Variants in ACVR1B observed in about 807,000 individuals in gnomAD.
ACVR1B encodes the protein activin A receptor type 1B.
Under a neutral mutation model 55.6 loss-of-function variants are expected in ACVR1B, and 15 were observed. That is an observed-to-expected ratio of 0.27 (90% CI 0.18 to 0.42). The LOEUF (loss-of-function observed/expected upper bound fraction) is 0.42. Ranked by LOEUF, ACVR1B falls within the 10% of genes least tolerant of loss-of-function variation. The pLI is 1.00. For synonymous variants in ACVR1B, 247 were observed against 254.6 expected (o/e 0.97, Z 0.28); for missense variants, 359 against 670.1 (o/e 0.54, Z 5.13).
At chr12:51,966,640 G>A (rs1440252408) in intron 1 of ACVR1B, among the ~76,000 whole-genome samples, 1 of 152,046 alleles carries the variant, frequency 6.6e-6, no homozygotes, top group Admixed American at 6.6e-5. Flanking sequence ...GTAGAGACAG[G>A]GTCTCACTGT....
At chr12:51,987,446 G>T (rs2252526) in intron 7 of ACVR1B, 104,772 of 354,444 alleles carry the variant, frequency 0.3, 16,940 homozygotes, top group Admixed American at 0.52. Flanking sequence ...ATTTGCAGCT[G>T]CTTATTCATG....
rs771945627 is a variant in ACVR1B, at chr12:51,976,480, T to G, written c.485T>G (p.Leu162Arg). 6.2e-7 allele frequency: 1 copy of G among 1,614,162 alleles called. No homozygotes were observed. The highest frequency in any genetic ancestry group is 8.5e-7 in the Non-Finnish European group (1 of 1,180,024). Residue 162 changes from leucine (L) to arginine (R), a missense_variant, in exon 3 of 9, where the codon CTG becomes CGG. By Grantham distance (102) the Leu-to-Arg change is moderately radical (BLOSUM62 -2). Transcript: ENST00000257963. ...HQRVYHNRQR[L>R]DMEDPSCEMC... ...CGTGTCTATCACAACCGCCAGAGACTGGACATGGAAGATCCCTCATGTGAG... is the reference window on the plus strand; with the variant it reads ...CGTGTCTATCACAACCGCCAGAGACGGGACATGGAAGATCCCTCATGTGAG...
chr12:51,967,108 C>T (rs1435360399), intron 1 of ACVR1B, among the ~76,000 whole-genome samples: 2 of 151,590 alleles, frequency 1.3e-5, no homozygotes, highest in African/African-American at 4.9e-5. Flanking sequence ...GACGTGGTGG[C>T]AGGCGCCTGT....
At chr12:51,952,273 G>T (rs1347579746) in intron 1 of ACVR1B, among the ~76,000 whole-genome samples, 4 of 152,126 alleles carry the variant, frequency 2.6e-5, no homozygotes, top group African/African-American at 9.7e-5. Context: ...GGGTTCGGGC[G>T]GTGGGGTCTT....
At chr12:51,975,526 G>T in intron 2 of ACVR1B, 22 bp downstream of exon 2, 3 of 1,598,276 alleles carry the variant, frequency 1.9e-6, no homozygotes, top group Non-Finnish European at 2.6e-6. Context: ...CCCTTGTTGG[G>T]CTAGTGGCTC....
rs969613981 is a variant in ACVR1B at position 51,961,726 on chromosome 12, C to T, written c.91+9892C>T. On this transcript the variant is annotated intron_variant, in intron 1 of 8. Transcript: ENST00000257963. ...AAATACCAGGGATAAATATCCTTCC[C>T]TGCTCTATTGAGCCAGAAGTATGTT... 2.0e-5 allele frequency among the ~76,000 whole-genome samples: 3 copies of T among 152,356 alleles called. No individual in the cohort carries two copies. The East Asian group carries it at 5.8e-4, about 29-fold the overall frequency.
chr12:51,958,679 C>T (rs553875092), intron 1 of ACVR1B, among the ~76,000 whole-genome samples: 2 of 152,078 alleles, frequency 1.3e-5, no homozygotes, highest in South Asian at 4.2e-4. Flanking sequence ...GATCATCAGG[C>T]ACATCAAGCA....
chr12:51,977,890 A>G (rs1257919177), intron 3 of ACVR1B, among the ~76,000 whole-genome samples: 1 of 151,504 alleles, frequency 6.6e-6, no homozygotes, highest in Non-Finnish European at 1.5e-5. Context: ...AAACATCCAC[A>G]AAGATCACTG....
At chr12:51,984,288 T>C in intron 5 of ACVR1B, 122 bp downstream of exon 5, 1 of 1,194,694 alleles carries the variant, frequency 8.4e-7, no homozygotes, top group Non-Finnish European at 1.2e-6. Context: ...GGAACTCTAG[T>C]TTAATTTAAA....
intron 8 of ACVR1B, among the ~76,000 whole-genome samples, chr12:51,992,950 C>T (rs1942222425): frequency 1.3e-5 from 2 of 152,212 alleles, no homozygotes; most frequent in African/African-American, 4.8e-5. Context: ...GCTCATGGGC[C>T]TCCTTTTCAC....
chr12:51,963,062 G>A (rs996611938), intron 1 of ACVR1B, among the ~76,000 whole-genome samples: 1 of 152,036 alleles, frequency 6.6e-6, no homozygotes, highest in African/African-American at 2.4e-5. Context: ...TTGTTATTGA[G>A]ATCATATTGT....
Position 51,985,409 on chromosome 12 carries a change from C to G in ACVR1B, c.1136+61C>G, listed in dbSNP as rs753926250. 20 of 1,529,334 alleles carry G rather than the reference C, an allele frequency of 1.3e-5. No homozygotes were observed. In the Admixed American group the frequency reaches 3.8e-4, roughly 29 times the overall value. The allele number at this position is 1,529,334 out of a possible 1,614,324, so 94.7% of individuals were successfully genotyped here. ...CTTCTACTGAGTATCCCATCTGTGC[C>G]GTTTCCCATATGCGCAGGAGAAGGA... On this transcript the variant is annotated intron_variant, in intron 6 of 8. Transcript: ENST00000257963.
chr12:51,955,224 A>G (rs1021235848), intron 1 of ACVR1B, among the ~76,000 whole-genome samples: 1 of 152,222 alleles, frequency 6.6e-6, no homozygotes, highest in Non-Finnish European at 1.5e-5. Flanking sequence ...GACTTTATCC[A>G]AAAGGACCTT....
At chr12:51,992,279 A>G in intron 8 of ACVR1B, 1 of 466,526 alleles carries the variant, frequency 2.1e-6, no homozygotes. Context: ...CTGAGGCAGG[A>G]AGATAGCTTG....
chr12:51,981,255 A>G, intron 4 of ACVR1B, 56 bp downstream of exon 4: 4 of 1,491,772 alleles, frequency 2.7e-6, no homozygotes, highest in Non-Finnish European at 3.7e-6. Flanking sequence ...GAGAAAGTGC[A>G]TAGCTATGGG....
chr12:51,975,413 G>T lies in ACVR1B; in HGVS notation c.240G>T (p.Lys80Asn). 6.2e-7 allele frequency: 1 copy of T among 1,614,234 alleles called. No individual in the cohort carries two copies. Among genetic ancestry groups the T allele is most frequent in the Non-Finnish European group, 8.5e-7 (1 of 1,180,034 alleles). Residue 80 changes from lysine to asparagine, a missense_variant, in exon 2 of 9, where the codon AAG becomes AAT. Physicochemically the swap from Lys to Asn is moderately conservative, Grantham distance 94 (BLOSUM62 0). Transcript: ENST00000257963. ...IPKVELVPAG[K>N]PFYCLSSEDL... ...AAGTGGAGCTGGTCCCTGCCGGGAA[G>T]CCCTTCTACTGCCTGAGCTCGGAGG...
chr12:51,984,547 T>G (rs1161116380), intron 5 of ACVR1B, among the ~76,000 whole-genome samples: 1 of 152,196 alleles, frequency 6.6e-6, no homozygotes, highest in Non-Finnish European at 1.5e-5. Flanking sequence ...CCATGTTCAT[T>G]GATGGGGACA....
At chr12:51,957,634 G>A (rs117308303) in intron 1 of ACVR1B, among the ~76,000 whole-genome samples, 6,654 of 152,032 alleles carry the variant, frequency 0.044, 191 homozygotes, top group South Asian at 0.084. Flanking sequence ...CAAATTCCTG[G>A]GCTCAAATTA....
intron 1 of ACVR1B, among the ~76,000 whole-genome samples, chr12:51,969,620 G>A (rs1941707618): frequency 6.6e-6 from 1 of 152,214 alleles, no homozygotes; most frequent in Admixed American, 6.5e-5. Flanking sequence ...GTATGCATGT[G>A]AATAAAGAGA....
Sources: gnomAD v4.1 joint callset for allele counts (sites outside exome capture counted in the v4.1 genomes callset) on GRCh38, gnomAD v4.1.1 for gene constraint, MANE v1.5 for transcripts, NCBI Gene and HGNC (gene_info 2026-07-23, HGNC 2026-07-21) for gene names.